CAMKMT: variants seen among roughly 807,000 people sequenced by gnomAD.
CAMKMT encodes CaM KMT.
CAMKMT carries 53 observed loss-of-function variants against 48.0 expected under a neutral mutation model. The ratio of observed to expected loss-of-function variants is 1.10; its 90% CI spans 0.89 to 1.39. The LOEUF is 1.39. Ranked by LOEUF, CAMKMT falls within the 40% of genes most tolerant of loss-of-function variation. The pLI, the probability that CAMKMT is intolerant of heterozygous loss-of-function variation, is 0.00. For missense variants in CAMKMT, 428 were observed against 402.7 expected (o/e 1.06, Z -0.54); for synonymous variants, 165 against 152.3 (o/e 1.08, Z -0.61).
At position 44,456,634 on chromosome 2, in the gene CAMKMT, G is replaced by A. The variant is rs893452707; in HGVS notation, c.376+66329G>A. 6 of 1,546,440 alleles carry A rather than the reference G, an allele frequency of 3.9e-6. No homozygotes were observed. The African/African-American group carries it at 6.9e-5, about 18-fold the overall frequency. ...TAACTCTTCCTTTTTTGTTTAAATG[G>A]TAAATATGCCTGGGGAGATGGGACT... On this transcript the variant is annotated intron_variant, in intron 3 of 10. Transcript: ENST00000378494.
chr2:44,546,412 C>T (rs1667412559), intron 3 of CAMKMT, among the ~76,000 whole-genome samples: 1 of 152,176 alleles, frequency 6.6e-6, no homozygotes, highest in African/African-American at 2.4e-5. Context: ...CGACCATTTC[C>T]ATCATCACAA....
At chr2:44,391,427 C>A (rs2104417025) in intron 3 of CAMKMT, among the ~76,000 whole-genome samples, 1 of 151,894 alleles carries the variant, frequency 6.6e-6, no homozygotes, top group African/African-American at 2.4e-5. Flanking sequence ...TTAGTTTTTC[C>A]ATGTTGGCAT....
intron 3 of CAMKMT, among the ~76,000 whole-genome samples, chr2:44,604,394 G>C (rs1173463377): frequency 6.6e-6 from 1 of 152,012 alleles, no homozygotes; most frequent in Non-Finnish European, 1.5e-5. Flanking sequence ...ATCATACAAG[G>C]TGTGACTAGA....
At chr2:44,403,635 G>T (rs189792051) in intron 3 of CAMKMT, among the ~76,000 whole-genome samples, 1 of 152,114 alleles carries the variant, frequency 6.6e-6, no homozygotes, top group Admixed American at 6.6e-5. Context: ...TTTAGGTGGG[G>T]TGTCAGGAAG....
intron 3 of CAMKMT, among the ~76,000 whole-genome samples, chr2:44,423,436 G>A (rs148846068): frequency 4.5e-4 from 68 of 152,144 alleles, no homozygotes; most frequent in Non-Finnish European, 9.3e-4. Context: ...TGCCTGCCTT[G>A]GCCTCCCGAA....
rs975658106 is a variant in CAMKMT, at chr2:44,369,996, T to A, written c.139-2720T>A. 5 of 152,282 alleles carry A rather than the reference T, an allele frequency of 3.3e-5. No homozygotes were observed. The East Asian group carries it at 9.6e-4, about 29-fold the overall frequency. 9.4% of individuals were successfully genotyped at this position (152,282 alleles called of 1,614,324 possible). On this transcript the variant is annotated intron_variant, in intron 1 of 10. Transcript: ENST00000378494. ...TACAGCTTCTAGCTTTCCAACTCTA[T>A]AAAATAGAAAGGTATCTTGGAAGCT...
At chr2:44,448,394 A>G (rs373605586) in intron 3 of CAMKMT, among the ~76,000 whole-genome samples, 3 of 152,190 alleles carry the variant, frequency 2.0e-5, no homozygotes, top group African/African-American at 7.2e-5. Context: ...ACTTCCCTAG[A>G]GGGTCTTCAA....
At chr2:44,415,658 A>C (rs1067387) in intron 3 of CAMKMT, among the ~76,000 whole-genome samples, 93,866 of 151,990 alleles carry the variant, frequency 0.62, 29,437 homozygotes, top group Non-Finnish European at 0.67. Context: ...TAATGAAATC[A>C]CAGTTTAGAG....
At chr2:44,753,937 A>C in intron 8 of CAMKMT, 118 bp from the exon 9 acceptor site, 1 of 727,000 alleles carries the variant, frequency 1.4e-6, no homozygotes. Context: ...GGTAGGAAAC[A>C]ATTTCTCTTT....
At chr2:44,480,326 C>T (rs1668903269) in intron 3 of CAMKMT, among the ~76,000 whole-genome samples, 1 of 152,188 alleles carries the variant, frequency 6.6e-6, no homozygotes, top group Admixed American at 6.5e-5. Flanking sequence ...ACACCCTCCA[C>T]ACATCCAGAA....
At chr2:44,528,189 C>CT (rs1666273450) in intron 3 of CAMKMT, among the ~76,000 whole-genome samples, 1 of 151,648 alleles carries the variant, frequency 6.6e-6, no homozygotes, top group African/African-American at 2.4e-5. Flanking sequence ...CATTTTTTTT[C>CT]TTTTTTTGTA....
intron 2 of CAMKMT, among the ~76,000 whole-genome samples, chr2:44,385,252 A>C (rs1358889678): frequency 6.6e-6 from 1 of 151,934 alleles, no homozygotes; most frequent in African/African-American, 2.4e-5. Context: ...TGTTGCAAAA[A>C]GGGTTGAGTT....
intron 3 of CAMKMT, among the ~76,000 whole-genome samples, chr2:44,480,156 A>G (rs1238363953): frequency 1.3e-5 from 2 of 152,210 alleles, no homozygotes; most frequent in Non-Finnish European, 2.9e-5. Context: ...GTGATTTTAT[A>G]ACTCTCTTTA....
At chr2:44,462,909 T>C (rs1182095967) in intron 3 of CAMKMT, among the ~76,000 whole-genome samples, 1 of 152,198 alleles carries the variant, frequency 6.6e-6, no homozygotes, top group Non-Finnish European at 1.5e-5. Context: ...GCTGATTGCA[T>C]CCCCATATTG....
intron 2 of CAMKMT, among the ~76,000 whole-genome samples, chr2:44,386,689 A>G (rs1042442985): frequency 2.0e-5 from 3 of 152,068 alleles, no homozygotes; most frequent in Non-Finnish European, 4.4e-5. Context: ...CCTTTGCTGT[A>G]TCCCATAGAT....
At chr2:44,742,693 T>C (rs927969473) in intron 7 of CAMKMT, among the ~76,000 whole-genome samples, 2 of 152,192 alleles carry the variant, frequency 1.3e-5, no homozygotes, top group African/African-American at 4.8e-5. Context: ...GAAAAGAACT[T>C]TTGGGCTGAC....
In CAMKMT at chr2:44,440,589, A is replaced by C. The variant is rs184743391; in HGVS notation, c.376+50284A>C. Among the ~76,000 whole-genome samples the C allele has an allele frequency of 1.5e-3, 235 of 152,222 alleles. 1 individual carries two copies. Among genetic ancestry groups the C allele is most frequent in the African/African-American group, 5.6e-3 (232 of 41,582 alleles). ...ATGAATTATGATAAAATTTAATTTA[A>C]TAAATTAAATCAAAATTTCAGCTCC... On this transcript the variant is annotated intron_variant, in intron 3 of 10. Transcript: ENST00000378494.
chr2:44,743,844 T>C (rs577980068), intron 8 of CAMKMT, 148 bp downstream of exon 8: 7 of 584,570 alleles, frequency 1.2e-5, no homozygotes, highest in African/African-American at 1.1e-4. Context: ...TTCATCTCCA[T>C]GTGACAGTTA....
chr2:44,410,245 A>T lies in CAMKMT; in HGVS notation c.376+19940A>T, dbSNP rs868002917. ...GTCAGGTATCAGTATATATATATAT[A>T]TATTTTTTTTTTTTTTTTTTTTTTT... is the stretch of plus-strand genomic sequence containing the variant. On this transcript the variant is annotated intron_variant, in intron 3 of 10. Transcript: ENST00000378494. Among the ~76,000 whole-genome samples, 8 of 10,562 alleles carry T rather than the reference A, an allele frequency of 7.6e-4. 1 individual carries two copies. Among genetic ancestry groups the T allele is most frequent in the Admixed American group, 1.4e-3 (2 of 1,446 alleles). 6.9% of individuals were successfully genotyped at this position (10,562 alleles called of 152,430 possible). A position where few individuals can be genotyped will look rare whatever the true frequency, so the allele number is the denominator to read the frequency against.
Sources: gnomAD v4.1 joint callset for allele counts (sites outside exome capture counted in the v4.1 genomes callset) on GRCh38, gnomAD v4.1.1 for gene constraint, MANE v1.5 for transcripts, NCBI Gene and HGNC (gene_info 2026-07-23, HGNC 2026-07-21) for gene names.